Variants in DIXDC1 observed in about 807,000 individuals in gnomAD.
DIXDC1 encodes dixin.
DIXDC1 carries 64 observed loss-of-function variants against 103.1 expected under a neutral mutation model. That is an observed-to-expected ratio of 0.62 (90% CI 0.51 to 0.76). The LOEUF (loss-of-function observed/expected upper bound fraction) is 0.76, where lower values mean the gene tolerates loss of function less well. Ranked by LOEUF, DIXDC1 falls within the 30% of genes least tolerant of loss-of-function variation. DIXDC1 has a pLI of 0.00. For synonymous variants in DIXDC1, 266 were observed against 298.5 expected, an observed-to-expected ratio of 0.89 and a Z score of 1.12; for missense variants, 759 against 834.2, an observed-to-expected ratio of 0.91 and a Z score of 1.11.
intron 1 of DIXDC1, among the ~76,000 whole-genome samples, chr11:111,943,435 C>T (rs1226798330): frequency 1.3e-5 from 2 of 151,418 alleles, no homozygotes; most frequent in Admixed American, 6.6e-5. Context: ...TGAACCACCG[C>T]GCCCGGCTAC....
intron 17 of DIXDC1, among the ~76,000 whole-genome samples, chr11:112,004,003 A>G (rs1247350529): frequency 1.4e-5 from 2 of 144,160 alleles, no homozygotes; most frequent in African/African-American, 5.1e-5. Context: ...ACATAAAAAA[A>G]CCCCATCTTA....
At position 111,937,530 on chromosome 11, in the gene DIXDC1, C is replaced by G. The variant is rs782351278; in HGVS notation, c.31C>G (p.Leu11Val). The change falls in exon 1 of 20, where the codon CTG (leucine) becomes GTG (valine). Residue 11 changes from leucine to valine, a missense_variant. By Grantham distance (32) the Leu-to-Val change is conservative (BLOSUM62 1). This residue lies in a region of DIXDC1 where 97 missense variants were observed against 85.4 expected (regional missense o/e 1.14). Transcript: ENST00000440460. MLACLTRGNL[L>V]DVLQEGFNEQ... ...AGCCTGCCTGACCCGAGGGAACTTA[C>G]TGGACGTCCTGCAGGAGGGCTTCAA... 5 of 1,596,042 alleles carry G rather than the reference C, an allele frequency of 3.1e-6. No homozygotes were observed. In the African/African-American group the frequency reaches 6.7e-5, roughly 21 times the overall value.
At chr11:112,005,843 A>G (rs1555176564) in intron 17 of DIXDC1, among the ~76,000 whole-genome samples, 1 of 152,158 alleles carries the variant, frequency 6.6e-6, no homozygotes, top group East Asian at 1.9e-4. Flanking sequence ...CATCAATAAG[A>G]ATATAGAAAA....
In DIXDC1 at chr11:112,021,382, T is replaced by C. The variant is rs1861753238; in HGVS notation, c.*2346T>C. ...ATGAGGATCCTGTTGGTGATCCTCA[T>C]TCCAGTTTCCAAAGCGAGAGGAGCC... On this transcript the variant is annotated 3_prime_UTR_variant, in exon 20 of 20. Transcript: ENST00000440460. The C allele has an allele frequency of 6.6e-6, 1 of 152,186 alleles. No individual in the cohort carries two copies. The highest frequency in any genetic ancestry group is 2.4e-5 in the African/African-American group (1 of 41,446). 9.4% of individuals were successfully genotyped at this position (152,186 alleles called of 1,614,324 possible). A position where few individuals can be genotyped will look rare whatever the true frequency, so the allele number is the denominator to read the frequency against.
At chr11:111,941,632 G>A (rs1203305559) in intron 1 of DIXDC1, among the ~76,000 whole-genome samples, 2 of 151,526 alleles carry the variant, frequency 1.3e-5, no homozygotes, top group African/African-American at 4.9e-5. Context: ...CCTGGGCAAC[G>A]TGGTGAGACC....
At chr11:111,971,198 A>G (rs1555172038) in intron 3 of DIXDC1, among the ~76,000 whole-genome samples, 1 of 152,230 alleles carries the variant, frequency 6.6e-6, no homozygotes, top group African/African-American at 2.4e-5. Context: ...AGCCTATAGA[A>G]TGGGAGGAAA....
intron 2 of DIXDC1, among the ~76,000 whole-genome samples, chr11:111,968,121 C>T (rs1859797431): frequency 6.6e-6 from 1 of 152,228 alleles, no homozygotes; most frequent in African/African-American, 2.4e-5. Flanking sequence ...TTATATTAAA[C>T]ACTTACTTGT....
In DIXDC1 at chr11:111,980,860, T is replaced by G; in HGVS notation, c.769+11T>G. The stretch of plus-strand genomic sequence containing the variant: ...TAGAGAACAGAACAGGTACTATCTC[T>G]ACGCCTGCCTGGGCTGGTTCAAGGA... On this transcript the variant is annotated intron_variant, in intron 6 of 19. Transcript: ENST00000440460. The G allele has an allele frequency of 6.5e-5, 104 of 1,599,956 alleles. No homozygotes were observed. Among genetic ancestry groups the G allele is most frequent in the Non-Finnish European group, 8.4e-5 (98 of 1,167,510 alleles).
intron 8 of DIXDC1, among the ~76,000 whole-genome samples, chr11:111,986,582 TCTAA>T (rs1308537870): frequency 1.3e-5 from 2 of 152,026 alleles, no homozygotes; most frequent in Admixed American, 6.5e-5. Context: ...CAGGCTGGTC[TCTAA>T]CACCTGACCT....
At position 111,958,390 on chromosome 11, in the gene DIXDC1, C is replaced by A. The variant is rs6589256; in HGVS notation, c.61-6159C>A. Reference sequence around the variant, plus strand: ...GGAAATGCTTGCTCCTGCTGCCTGGCCTCTCCCGACTCCCTGCACCTGCTC... The same window carrying A: ...GGAAATGCTTGCTCCTGCTGCCTGGACTCTCCCGACTCCCTGCACCTGCTC... On this transcript the variant is annotated intron_variant, in intron 1 of 19. Transcript: ENST00000440460. The surrounding 1 kb of genome is among the most constrained non-coding windows in gnomAD (Gnocchi z 4.2). Among the ~76,000 whole-genome samples the A allele has an allele frequency of 0.026, 3,948 of 152,300 alleles. 182 individuals are homozygous for A. The highest frequency in any genetic ancestry group is 0.09 in the African/African-American group (3,748 of 41,548).
chr11:111,974,408 G>A, intron 4 of DIXDC1, 154 bp downstream of exon 4: 1 of 677,186 alleles, frequency 1.5e-6, no homozygotes, highest in South Asian at 2.1e-5. Flanking sequence ...ACTCTCAAAA[G>A]AGAAAAGCCT....
At position 111,968,494 on chromosome 11, in the gene DIXDC1, A is replaced by AT; in HGVS notation, c.191-15dup. On this transcript the variant is annotated intron_variant, in intron 2 of 19. Transcript: ENST00000440460. ...AATATTCCTCCCTATAACTTCCTATATTTTCTCTCTCCTAACAGCAGGAGA... is the reference window on the plus strand; with the variant it reads ...AATATTCCTCCCTATAACTTCCTATATTTTTCTCTCTCCTAACAGCAGGAGA... 1 of 1,609,684 alleles carries AT rather than the reference A, an allele frequency of 6.2e-7. No homozygotes were observed. Among genetic ancestry groups the AT allele is most frequent in the Non-Finnish European group, 8.5e-7 (1 of 1,177,798 alleles).
chr11:111,961,470 C>T (rs587724335), intron 1 of DIXDC1, among the ~76,000 whole-genome samples: 1 of 152,292 alleles, frequency 6.6e-6, no homozygotes, highest in African/African-American at 2.4e-5. Context: ...ATCTCCCTGC[C>T]AGATTAGCAT....
At chr11:111,953,836 A>G (rs1966858859) in intron 1 of DIXDC1, among the ~76,000 whole-genome samples, 1 of 152,248 alleles carries the variant, frequency 6.6e-6, no homozygotes, top group Non-Finnish European at 1.5e-5. Context: ...AAAGTATTGT[A>G]CAGTAAGCTG....
At chr11:111,992,876 G>C in intron 11 of DIXDC1, 75 bp from the exon 12 acceptor site, 1 of 1,459,946 alleles carries the variant, frequency 6.8e-7, no homozygotes, top group Non-Finnish European at 9.4e-7. Context: ...ACATTAACTG[G>C]TTACTAAGTA....
intron 17 of DIXDC1, among the ~76,000 whole-genome samples, chr11:112,004,455 T>G (rs1426693566): frequency 6.6e-6 from 1 of 152,152 alleles, no homozygotes; most frequent in Admixed American, 6.5e-5. Context: ...AAAGGAACAC[T>G]ACCTTGGCAG....
At chr11:111,990,117 G>A (rs1235553897) in intron 10 of DIXDC1, among the ~76,000 whole-genome samples, 1 of 134,732 alleles carries the variant, frequency 7.4e-6, no homozygotes, top group African/African-American at 2.8e-5. Flanking sequence ...TTGACATGGA[G>A]TCTCACTCTG....
chr11:111,981,696 AAG>A (rs1860311866), intron 6 of DIXDC1, among the ~76,000 whole-genome samples: 1 of 152,240 alleles, frequency 6.6e-6, no homozygotes, highest in African/African-American at 2.4e-5. Context: ...AACTCACTGA[AAG>A]AGTTTATGCC....
In DIXDC1 at chr11:111,974,039, C is replaced by T. The variant is rs1259550280; in HGVS notation, c.333C>T (p.Asn111=). The change falls in exon 4 of 20, where the codon AAC becomes AAT. Residue 111 remains asparagine (N), a synonymous_variant. Transcript: ENST00000440460. ...ATCCTTCAGATATTGTGGATGGAAACCTGAAGTCTATCATGAGGCTGGTCC... is the reference window on the plus strand; with the variant it reads ...ATCCTTCAGATATTGTGGATGGAAATCTGAAGTCTATCATGAGGCTGGTCC... ...QTSAKDIVDG[N]LKSIMRLVLA... 1.2e-6 allele frequency: 2 copies of T among 1,613,744 alleles called. No homozygotes were observed. The highest frequency in any genetic ancestry group is 1.3e-5 in the African/African-American group (1 of 74,912).
Sources: gnomAD v4.1 joint callset for allele counts (sites outside exome capture counted in the v4.1 genomes callset) on GRCh38, gnomAD v4.1.1 for gene constraint, gnomAD v4.1.1 regional missense constraint, Gnocchi (gnomAD v3.1) non-coding constraint, MANE v1.5 for transcripts, NCBI Gene and HGNC (gene_info 2026-07-23, HGNC 2026-07-21) for gene names.